The following SMIM7 variants were observed in gnomAD, a reference collection of about 807,000 sequenced individuals.
SMIM7 encodes the protein small integral membrane protein 7.
SMIM7 carries 12 observed loss-of-function variants against 13.3 expected under a neutral mutation model. That is an observed-to-expected ratio of 0.90 (90% CI 0.58 to 1.46). SMIM7 has a LOEUF of 1.46. SMIM7 is among the 40% of genes most tolerant of loss of function. The pLI is 0.00. For missense variants in SMIM7, 114 were observed against 94.8 expected (o/e 1.20, Z -0.84); for synonymous variants, 36 against 35.8 (o/e 1.01, Z -0.02).
intron 3 of SMIM7, chr19:16,655,426 A>T: frequency 4.4e-6 from 2 of 455,242 alleles, no homozygotes; most frequent in South Asian, 3.1e-5. Flanking sequence ...CACACTTGTA[A>T]TCCCAGCACT....
chr19:16,656,248 C>T (rs551623103), intron 3 of SMIM7, among the ~76,000 whole-genome samples: 2 of 152,156 alleles, frequency 1.3e-5, no homozygotes, highest in Non-Finnish European at 2.9e-5. Context: ...ATTAGCAGGG[C>T]GTGGTGGCGC....
intron 3 of SMIM7, among the ~76,000 whole-genome samples, chr19:16,655,680 C>CAAAAAAAAAAAAAAAAAAA (rs869256040): frequency 2.6e-5 from 1 of 38,514 alleles, no homozygotes; most frequent in Non-Finnish European, 5.1e-5. Context: ...GACTCCATCT[C>CAAAAAAAAAAAAAAAAAAA]AAAAAAAAAA....
intron 4 of SMIM7, among the ~76,000 whole-genome samples, chr19:16,639,476 T>A (rs2086389224): frequency 1.3e-5 from 2 of 152,300 alleles, no homozygotes; most frequent in African/African-American, 4.8e-5. Flanking sequence ...AACTTTTCCA[T>A]AAAGGGTCAG....
chr19:16,645,852 C>A (rs541083659), downstream of SMIM7: 1 of 151,662 alleles, frequency 6.6e-6, no homozygotes, highest in Non-Finnish European at 1.5e-5. Context: ...AGTAGAGATG[C>A]GATTTCACCA....
At chr19:16,652,579 C>G (rs2086541666) in intron 4 of SMIM7, 16 of 1,186,246 alleles carry the variant, frequency 1.3e-5, no homozygotes, top group Non-Finnish European at 1.7e-5. Flanking sequence ...TACATGCTCT[C>G]AGATCCTCTC....
chr19:16,638,094 C>T (rs2086373334), intron 4 of SMIM7, among the ~76,000 whole-genome samples: 1 of 145,092 alleles, frequency 6.9e-6, no homozygotes, highest in Admixed American at 7.0e-5. Flanking sequence ...CCCACCTCTA[C>T]TAAAAAAAAA....
In SMIM7 at chr19:16,660,085, C is replaced by T. The variant is rs750386355; in HGVS notation, c.26G>A (p.Gly9Glu). MIGDILLFGTLLMNAGAVL... is the reference protein window; with the variant it reads MIGDILLFETLLMNAGAVL... ...CCCAGCCTCTGGTCCCCCTAATTAC[C>T]CGAACAGCAGGATGTCTCCGATCAT... The change falls in exon 1 of 5, where the codon GGG becomes GAG. Residue 9 changes from glycine to glutamate, a missense_variant and splice_region_variant. Transcript: ENST00000487416. 2 of 1,614,224 alleles carry T rather than the reference C, an allele frequency of 1.2e-6. No individual in the cohort carries two copies. Among genetic ancestry groups the T allele is most frequent in the South Asian group, 2.2e-5 (2 of 91,088 alleles).
chr19:16,633,465 GAAAAA>G (rs869067591), intron 4 of SMIM7, among the ~76,000 whole-genome samples: 18 of 87,698 alleles, frequency 2.1e-4, no homozygotes, highest in Non-Finnish European at 3.7e-4. Context: ...CAAAAAAAAA[GAAAAA>G]AAAAAAAAAA....
chr19:16,636,133 G>A (rs2086359808), intron 4 of SMIM7: 1 of 152,018 alleles, frequency 6.6e-6, no homozygotes, highest in Non-Finnish European at 1.5e-5. Context: ...GAAGAAAGAG[G>A]TAGAGGAGTC....
At chr19:16,639,153 GCT>G (rs2086383786) in intron 4 of SMIM7, among the ~76,000 whole-genome samples, 1 of 132,928 alleles carries the variant, frequency 7.5e-6, no homozygotes, top group Non-Finnish European at 1.5e-5. Flanking sequence ...ACGGAGTCTT[GCT>G]CTGTCGCCCA....
In SMIM7 at chr19:16,646,443, G is replaced by C. The variant is rs1021278615; in HGVS notation, c.*803C>G. ...AAAATGCTGTATTTCCTAGATGAAGGCCCCTGGTTTTTCAACCTCAAAATC... is the reference window on the plus strand; with the variant it reads ...AAAATGCTGTATTTCCTAGATGAAGCCCCCTGGTTTTTCAACCTCAAAATC... On this transcript the variant is annotated 3_prime_UTR_variant, in exon 5 of 5. Coordinates refer to ENST00000487416, the MANE Select transcript of SMIM7 (RefSeq NM_024104.4). 4 of 152,222 alleles carry C rather than the reference G, an allele frequency of 2.6e-5. No homozygotes were observed. Among genetic ancestry groups the C allele is most frequent in the African/African-American group, 4.8e-5 (2 of 41,394 alleles). 9.4% of individuals were successfully genotyped at this position (152,222 alleles called of 1,614,324 possible). A position where few individuals can be genotyped will look rare whatever the true frequency, so the allele number is the denominator to read the frequency against.
intron 4 of SMIM7, among the ~76,000 whole-genome samples, chr19:16,650,508 G>A (rs747103563): frequency 2.6e-5 from 4 of 152,104 alleles, no homozygotes; most frequent in African/African-American, 7.2e-5. Context: ...TCAGGAGTTC[G>A]AGACCAGCCT....
chr19:16,659,891 A>T, intron 2 of SMIM7, 68 bp downstream of exon 2: 1 of 1,545,508 alleles, frequency 6.5e-7, no homozygotes, highest in Admixed American at 1.9e-5. Context: ...GTGCGCCGAG[A>T]TCACGCTTAT....
chr19:16,639,274 C>T lies in SMIM7; in HGVS notation c.*138-7550G>A, dbSNP rs915093171. On this transcript the variant is annotated intron_variant and NMD_transcript_variant, in intron 4 of 4. Transcript: ENST00000465250. ...AGTAGCTGGGATTATAGGCGCCCAC[C>T]ACCTCGCCCGGCTAATTTTTTGTAT... 3.2e-4 allele frequency among the ~76,000 whole-genome samples: 49 copies of T among 152,190 alleles called. 1 individual carries two copies. The highest frequency in any genetic ancestry group is 2.9e-3 in the Admixed American group (44 of 15,268).
At chr19:16,659,321 G>T in intron 3 of SMIM7, 74 bp downstream of exon 3, 26 of 899,454 alleles carry the variant, frequency 2.9e-5, no homozygotes, top group South Asian at 4.5e-5. Flanking sequence ...GAAAGAAAAC[G>T]AAGGTAGGGC....
At chr19:16,640,666 C>T (rs1288202734) in intron 4 of SMIM7, 8 of 152,238 alleles carry the variant, frequency 5.3e-5, no homozygotes, top group Admixed American at 4.6e-4. Context: ...GTTGCAGCAG[C>T]TCACGCCTGT....
chr19:16,636,776 ACCCCATC>A (rs1189993921), intron 4 of SMIM7, among the ~76,000 whole-genome samples: 4 of 151,658 alleles, frequency 2.6e-5, no homozygotes, highest in Admixed American at 1.3e-4. Context: ...ACATAGTGAG[ACCCCATC>A]TCTACAAAAA....
intron 2 of SMIM7, 184 bp downstream of exon 2, chr19:16,659,775 T>G: frequency 1.3e-6 from 1 of 766,134 alleles, no homozygotes. Flanking sequence ...AGAGTATGGG[T>G]TTAAGGTCTC....
At chr19:16,631,759 A>C (rs2086323046) in intron 4 of SMIM7, 1 of 152,196 alleles carries the variant, frequency 6.6e-6, no homozygotes, top group African/African-American at 2.4e-5. Flanking sequence ...CAGGGTTACT[A>C]AACTTACCCT....
Sources: gnomAD v4.1 joint callset for allele counts (sites outside exome capture counted in the v4.1 genomes callset) on GRCh38, gnomAD v4.1.1 for gene constraint, MANE v1.5 for transcripts, NCBI Gene and HGNC (gene_info 2026-07-23, HGNC 2026-07-21) for gene names.